Variants in KNDC1 observed in about 807,000 individuals in gnomAD.
KNDC1 encodes kinase non-catalytic C-lobe domain containing 1.
A neutral mutation model predicts 172.8 loss-of-function variants in KNDC1; 106 were observed. That is an observed-to-expected ratio of 0.61 (90% CI 0.52 to 0.72). KNDC1 has a LOEUF of 0.72. Ranked by LOEUF, KNDC1 falls within the 30% of genes least tolerant of loss-of-function variation. KNDC1 has a pLI of 0.00. For synonymous variants in KNDC1, 1,083 were observed against 1,062.2 expected (o/e 1.02, Z -0.38); for missense variants, 2,325 against 2,394.5 (o/e 0.97, Z 0.61).
intron 3 of KNDC1, among the ~76,000 whole-genome samples, chr10:133,173,281 T>C (rs1853430415): frequency 6.6e-6 from 1 of 152,240 alleles, no homozygotes; most frequent in South Asian, 2.1e-4. Flanking sequence ...CCATTGATTC[T>C]TGTTTCTCAT....
At chr10:133,212,634 A>T in intron 23 of KNDC1, 82 bp from the exon 24 acceptor site, 1 of 1,242,756 alleles carries the variant, frequency 8.0e-7, no homozygotes, top group African/African-American at 1.5e-5. Context: ...CCTGGTCCTC[A>T]CCCCCCAACC....
intron 3 of KNDC1, among the ~76,000 whole-genome samples, chr10:133,182,944 TGTGGGCACAGGCGGTGTG>T (rs1853762324): frequency 7.2e-6 from 1 of 138,500 alleles, no homozygotes; most frequent in Non-Finnish European, 1.6e-5. Flanking sequence ...GCACAGGCGG[TGTGGGCACAGGCGGTGTG>T]GGCACAGGCG....
At chr10:133,203,362 G>A (rs1229554251) in intron 17 of KNDC1, among the ~76,000 whole-genome samples, 3 of 152,260 alleles carry the variant, frequency 2.0e-5, no homozygotes, top group Non-Finnish European at 2.9e-5. Context: ...AACACACAGC[G>A]TCCGGCCCAT....
At chr10:133,221,555 G>C (rs947172416) in intron 29 of KNDC1, among the ~76,000 whole-genome samples, 4 of 152,016 alleles carry the variant, frequency 2.6e-5, no homozygotes, top group Non-Finnish European at 5.9e-5. Context: ...GTCCACACAC[G>C]GTCAGGTGGA....
Position 133,211,798 on chromosome 10 carries a change from G to C in KNDC1, c.4176G>C (p.Glu1392Asp), listed in dbSNP as rs778073169. 1.2e-6 allele frequency: 2 copies of C among 1,610,666 alleles called. No individual in the cohort carries two copies. Among genetic ancestry groups the C allele is most frequent in the East Asian group, 4.5e-5 (2 of 44,868 alleles). The change falls in exon 23 of 30, where the codon GAG (glutamate) becomes GAC (aspartate). Residue 1392 changes from glutamate to aspartate, a missense_variant. Coordinates refer to ENST00000304613, the MANE Select transcript of KNDC1 (RefSeq NM_152643.8). ...TDLENPREAEEDARPFNALCK... is the reference protein window; with the variant it reads ...TDLENPREAEDDARPFNALCK... The stretch of plus-strand genomic sequence containing the variant: ...TGGAGAACCCCAGGGAGGCCGAGGA[G>C]GATGCCAGACCCTTCAACGCCCTCT...
intron 20 of KNDC1, among the ~76,000 whole-genome samples, chr10:133,208,258 G>A (rs1264126845): frequency 2.2e-5 from 3 of 134,798 alleles, no homozygotes; most frequent in South Asian, 2.6e-4. Flanking sequence ...AGAGAGGGAC[G>A]TGGCCCCCCC....
Position 133,212,756 on chromosome 10 carries a change from T to C in KNDC1, c.4277T>C (p.Leu1426Pro), listed in dbSNP as rs1393158960. 1 of 1,613,626 alleles carries C rather than the reference T, an allele frequency of 6.2e-7. No homozygotes were observed. Among genetic ancestry groups the C allele is most frequent in the African/African-American group, 1.3e-5 (1 of 75,048 alleles). ...CTGCCCCGAGGCAACGGGCTGGTGC[T>C]GCCGCCACACAAGGAGCGCCCCTAC... ...WRLPRGNGLV[L>P]PPHKERPYTI... Residue 1426 changes from leucine to proline, a missense_variant, in exon 24 of 30, where the codon CTG becomes CCG. Coordinates refer to ENST00000304613, the MANE Select transcript of KNDC1 (RefSeq NM_152643.8).
chr10:133,199,891 G>A (rs1854313155), intron 15 of KNDC1, among the ~76,000 whole-genome samples: 1 of 152,146 alleles, frequency 6.6e-6, no homozygotes, highest in Admixed American at 6.5e-5. Flanking sequence ...AGGGGGCCTG[G>A]GCAGTGATGG....
At chr10:133,223,641 CTG>C (rs778256182) in intron 29 of KNDC1, among the ~76,000 whole-genome samples, 1 of 21,898 alleles carries the variant, frequency 4.6e-5, no homozygotes, top group African/African-American at 2.1e-4. Flanking sequence ...CGGCGTGTGT[CTG>C]TGTGTGTGTG....
chr10:133,168,905 C>T (rs765515030), intron 3 of KNDC1, among the ~76,000 whole-genome samples: 10 of 152,202 alleles, frequency 6.6e-5, no homozygotes, highest in East Asian at 1.9e-4. Flanking sequence ...AGTCGGGCAA[C>T]GGCAGCCCAG....
rs1165592423 is a variant in KNDC1 at position 133,201,680 on chromosome 10, G to A, written c.3169G>A (p.Ala1057Thr). Reference protein sequence around the residue: ...QPEAGEDRRPAGGASDVEAVT... With the variant: ...QPEAGEDRRPTGGASDVEAVT... ...TGAGGCTGGCGAGGACAGACGGCCA[G>A]CTGGCGGGGCCTCAGACGTGGAGGC... Residue 1057 changes from alanine (A) to threonine (T), a missense_variant, in exon 17 of 30, where the codon GCT becomes ACT. Coordinates refer to ENST00000304613, the MANE Select transcript of KNDC1 (RefSeq NM_152643.8). 1.2e-6 allele frequency: 2 copies of A among 1,612,542 alleles called. No homozygotes were observed. Among genetic ancestry groups the A allele is most frequent in the Admixed American group, 1.7e-5 (1 of 59,984 alleles).
intron 3 of KNDC1, among the ~76,000 whole-genome samples, chr10:133,182,651 C>T (rs1346311791): frequency 2.0e-5 from 3 of 152,262 alleles, no homozygotes; most frequent in African/African-American, 7.2e-5. Context: ...GAGGAAAACC[C>T]AGACTCTCAA....
intron 20 of KNDC1, 81 bp from the exon 21 acceptor site, chr10:133,210,530 T>C (rs561817148): frequency 2.4e-6 from 2 of 826,998 alleles, no homozygotes; most frequent in Middle Eastern, 2.3e-4. Context: ...ACACATACAG[T>C]CACACCCCAC....
At chr10:133,215,792 C>T (rs1178482849) in intron 26 of KNDC1, among the ~76,000 whole-genome samples, 1 of 152,256 alleles carries the variant, frequency 6.6e-6, no homozygotes, top group Non-Finnish European at 1.5e-5. Context: ...CCTGGTCACG[C>T]ACCCGTGTAC....
intron 1 of KNDC1, among the ~76,000 whole-genome samples, chr10:133,160,983 G>C (rs907242335): frequency 6.6e-6 from 1 of 152,020 alleles, no homozygotes; most frequent in South Asian, 2.1e-4. Context: ...GTTCAGGAGC[G>C]GGGGGTGGGG....
chr10:133,216,579 A>T (rs1242990686), intron 26 of KNDC1, among the ~76,000 whole-genome samples: 3 of 152,076 alleles, frequency 2.0e-5, no homozygotes, highest in Admixed American at 2.0e-4. Flanking sequence ...CAGGAGGCTG[A>T]GGCGGGAGGA....
rs111675676 is a variant in KNDC1 at position 133,204,282 on chromosome 10, G to A, written c.3387+2384G>A. On this transcript the variant is annotated intron_variant, in intron 17 of 29. Transcript: ENST00000304613. ...TGGAATGTTCTAGACGCTGTCCACC[G>A]GGTAGCCAACAGCCACGTGTGGCTA... is the stretch of plus-strand genomic sequence containing the variant. Among the ~76,000 whole-genome samples the A allele has an allele frequency of 5.0e-3, 761 of 152,358 alleles. 8 individuals carry two copies. Among genetic ancestry groups the A allele is most frequent in the African/African-American group, 0.017 (724 of 41,592 alleles).
chr10:133,172,909 G>A (rs1297752671), intron 3 of KNDC1, among the ~76,000 whole-genome samples: 1 of 152,156 alleles, frequency 6.6e-6, no homozygotes, highest in South Asian at 2.1e-4. Flanking sequence ...AGGCTGAGGC[G>A]GGAGGACTGC....
chr10:133,211,560 C>A lies in KNDC1; in HGVS notation c.4047C>A (p.Ile1349=), dbSNP rs376815570. 1 of 1,613,594 alleles carries A rather than the reference C, an allele frequency of 6.2e-7. No individual in the cohort carries two copies. Among genetic ancestry groups the A allele is most frequent in the African/African-American group, 1.3e-5 (1 of 74,932 alleles). ...SGLLGKLEDF[I]SSKILPLDGS... is the part of the protein sequence containing the mutation. ...TGCTGGGGAAGCTAGAGGACTTCAT[C>A]TCCTCCAAGGTGACAGTGGCGCTGA... Residue 1349 remains isoleucine, a synonymous_variant, in exon 22 of 30, where the codon ATC becomes ATA. Transcript: ENST00000304613.
Sources: allele counts gnomAD v4.1 joint callset (sites outside exome capture counted in the v4.1 genomes callset), GRCh38; gene constraint gnomAD v4.1.1; transcripts MANE v1.5; gene names NCBI Gene and HGNC (gene_info 2026-07-23, HGNC 2026-07-21).